The following DTL variants were observed in gnomAD, a reference collection of about 807,000 sequenced individuals.
DTL encodes the protein denticleless protein homolog.
Under a neutral mutation model 87.0 loss-of-function variants are expected in DTL, and 46 were observed. The observed-to-expected ratio is 0.53, with a 90% CI of 0.42 to 0.68. The LOEUF is 0.68. DTL is among the 30% of genes least tolerant of loss of function. DTL has a pLI of 0.00. For synonymous variants in DTL, 308 were observed against 311.2 expected (o/e 0.99, Z 0.11); for missense variants, 737 against 869.4 (o/e 0.85, Z 1.91).
rs142294885 is a variant in DTL, at chr1:212,097,826, CT to C, written c.1262-2425del. On this transcript the variant is annotated intron_variant, in intron 13 of 14. Transcript: ENST00000366991. ...TTGTCATATTACCTGAATTGTTTTT[CT>C]GGTTCCTTCTCGTTTGGGTGGACTA... Among the ~76,000 whole-genome samples the C allele has an allele frequency of 3.7e-3, 570 of 152,162 alleles. 5 individuals are homozygous for C. The highest frequency in any genetic ancestry group is 0.013 in the African/African-American group (534 of 41,512).
intron 13 of DTL, among the ~76,000 whole-genome samples, chr1:212,088,043 G>A (rs913672719): frequency 2.0e-5 from 3 of 152,118 alleles, no homozygotes; most frequent in Non-Finnish European, 2.9e-5. Flanking sequence ...CTCAATCTTG[G>A]CTATGCATCA....
rs770876506 is a variant in DTL, at chr1:212,102,872, A to G, written c.2125A>G (p.Ile709Val). 1 of 1,612,680 alleles carries G rather than the reference A, an allele frequency of 6.2e-7. No individual in the cohort carries two copies. Among genetic ancestry groups the G allele is most frequent in the South Asian group, 1.1e-5 (1 of 90,934 alleles). ...VTITPSSMRK[I>V]CTYFHRKSQE... is the part of the protein sequence containing the mutation. Reference sequence around the variant, plus strand: ...CATCACGCCCAGCTCCATGAGGAAAATCTGCACATACTTCCATAGAAAGTC... The same window carrying G: ...CATCACGCCCAGCTCCATGAGGAAAGTCTGCACATACTTCCATAGAAAGTC... The change falls in exon 15 of 15, where the codon ATC (isoleucine) becomes GTC (valine). Residue 709 changes from isoleucine (I) to valine (V), a missense_variant. Ile to Val is a conservative substitution (Grantham distance 29). Transcript: ENST00000366991.
At chr1:212,076,344 T>C (rs10494949) in intron 11 of DTL, among the ~76,000 whole-genome samples, 3,998 of 152,314 alleles carry the variant, frequency 0.026, 60 homozygotes, top group African/African-American at 0.047. Flanking sequence ...ACTGTCGTCA[T>C]TGATACCTTG....
chr1:212,098,352 C>T (rs1011392971), intron 13 of DTL, among the ~76,000 whole-genome samples: 31 of 152,152 alleles, frequency 2.0e-4, no homozygotes, highest in Non-Finnish European at 4.0e-4. Context: ...AATTGGTTGG[C>T]CTCCAGCCAG....
chr1:212,052,905 G>T (rs1005017922), intron 5 of DTL, among the ~76,000 whole-genome samples: 1 of 151,880 alleles, frequency 6.6e-6, no homozygotes, highest in Non-Finnish European at 1.5e-5. Flanking sequence ...TCACTAAGTC[G>T]TGCAGCTATC....
chr1:212,042,252 A>G (rs1667675188), intron 1 of DTL, among the ~76,000 whole-genome samples: 1 of 142,420 alleles, frequency 7.0e-6, no homozygotes, highest in South Asian at 2.2e-4. Context: ...CATAGTGCAC[A>G]TTAGACCTCT....
At position 212,103,042 on chromosome 1, in the gene DTL, G is replaced by A; in HGVS notation, c.*102G>A. On this transcript the variant is annotated 3_prime_UTR_variant, in exon 15 of 15. Coordinates refer to ENST00000366991, the MANE Select transcript of DTL (RefSeq NM_016448.4). ...AATACAAGAGTGACTCTATAACTCT[G>A]GTCTTTAAGAAAGCTGCCTTTTCAT... The A allele has an allele frequency of 1.7e-6, 1 of 596,498 alleles. No individual in the cohort carries two copies. Among genetic ancestry groups the A allele is most frequent in the Non-Finnish European group, 2.8e-6 (1 of 352,378 alleles). The allele number at this position is 596,498 out of a possible 1,614,324, so 37.0% of individuals were successfully genotyped here.
At chr1:212,040,296 G>C (rs1667597125) in intron 1 of DTL, among the ~76,000 whole-genome samples, 1 of 152,142 alleles carries the variant, frequency 6.6e-6, no homozygotes. Flanking sequence ...TCTGTCTTTG[G>C]CCAAAATGCC....
chr1:212,042,390 T>G (rs1422394008), intron 1 of DTL, among the ~76,000 whole-genome samples: 1 of 152,250 alleles, frequency 6.6e-6, no homozygotes, highest in African/African-American at 2.4e-5. Context: ...TAGCCAGGGC[T>G]AATTAAATGT....
chr1:212,054,259 T>A lies in DTL; in HGVS notation c.460+6842T>A, dbSNP rs145175416. On this transcript the variant is annotated intron_variant, in intron 5 of 14. Transcript: ENST00000366991. ...TCTAGCTGTCTCCAGGTTTTCCCCA[T>A]CCCCTCACTCTCTGACTGTTCTTGT... 3.1e-3 allele frequency among the ~76,000 whole-genome samples: 479 copies of A among 152,188 alleles called. 4 individuals are homozygous for A. Among genetic ancestry groups the A allele is most frequent in the African/African-American group, 0.011 (457 of 41,522 alleles).
In DTL at chr1:212,064,877, A is replaced by G. The variant is rs368018761; in HGVS notation, c.527-40A>G. 86 of 1,495,186 alleles carry G rather than the reference A, an allele frequency of 5.8e-5. No homozygotes were observed. In the African/African-American group the frequency reaches 9.6e-4, roughly 17 times the overall value. 92.6% of individuals were successfully genotyped at this position (1,495,186 alleles called of 1,614,324 possible). Reference sequence around the variant, plus strand: ...TTTACACATGTTATATTCAGCATGTAAGAATCCTGAAACCTAAATTTCCTT... The same window carrying G: ...TTTACACATGTTATATTCAGCATGTGAGAATCCTGAAACCTAAATTTCCTT... On this transcript the variant is annotated intron_variant, in intron 6 of 14. Transcript: ENST00000366991.
At chr1:212,102,544 T>C (rs1448871338) in intron 14 of DTL, among the ~76,000 whole-genome samples, 1 of 152,212 alleles carries the variant, frequency 6.6e-6, no homozygotes, top group Non-Finnish European at 1.5e-5. Context: ...ATTTATTCAT[T>C]TATTTCAAAA....
intron 13 of DTL, among the ~76,000 whole-genome samples, chr1:212,092,935 C>T (rs1394965865): frequency 6.6e-6 from 1 of 152,076 alleles, no homozygotes; most frequent in East Asian, 1.9e-4. Flanking sequence ...GATGGCCATT[C>T]TTGCAGGAGT....
At chr1:212,053,667 C>T (rs946817092) in intron 5 of DTL, among the ~76,000 whole-genome samples, 22 of 152,048 alleles carry the variant, frequency 1.4e-4, no homozygotes, top group African/African-American at 4.3e-4. Context: ...CTCACTGCAA[C>T]CTCTGCCTCC....
At chr1:212,037,756 A>G (rs1667531238) in intron 1 of DTL, among the ~76,000 whole-genome samples, 1 of 152,226 alleles carries the variant, frequency 6.6e-6, no homozygotes, top group Non-Finnish European at 1.5e-5. Flanking sequence ...CCTCGGTCAT[A>G]GTGGTGGTGG....
At chr1:212,041,539 T>A (rs956325464) in intron 1 of DTL, among the ~76,000 whole-genome samples, 1 of 150,792 alleles carries the variant, frequency 6.6e-6, no homozygotes, top group Non-Finnish European at 1.5e-5. Flanking sequence ...GGAGTGTCGC[T>A]GTGTTGCCCA....
At chr1:212,066,685 G>A (rs763913277) in intron 7 of DTL, 127 bp from the exon 8 acceptor site, 56 of 678,574 alleles carry the variant, frequency 8.3e-5, no homozygotes, top group Admixed American at 3.2e-4. Flanking sequence ...ATATCTGATC[G>A]AGATCATTAG....
chr1:212,039,790 A>G (rs1667584063), intron 1 of DTL, among the ~76,000 whole-genome samples: 2 of 152,240 alleles, frequency 1.3e-5, no homozygotes, highest in African/African-American at 2.4e-5. Context: ...GTATTTAAAC[A>G]TAGAAAAGGT....
chr1:212,065,208 A>G (rs1419468887), intron 7 of DTL, among the ~76,000 whole-genome samples, 179 bp downstream of exon 7: 3 of 152,210 alleles, frequency 2.0e-5, no homozygotes, highest in African/African-American at 2.4e-5. Context: ...CTTCTGAATT[A>G]TAATGCCATT....
Sources: allele counts gnomAD v4.1 joint callset (sites outside exome capture counted in the v4.1 genomes callset), GRCh38; gene constraint gnomAD v4.1.1; transcripts MANE v1.5; gene names NCBI Gene and HGNC (gene_info 2026-07-23, HGNC 2026-07-21).